SORCS2: variants seen among roughly 807,000 people sequenced by gnomAD.
SORCS2 encodes the protein sortilin related VPS10 domain containing receptor 2, also known as VPS10 domain-containing receptor SorCS2.
In SORCS2, 100 loss-of-function variants were observed where a neutral mutation model predicts 141.6. The ratio of observed to expected loss-of-function variants is 0.71; its 90% CI spans 0.60 to 0.83. The LOEUF (loss-of-function observed/expected upper bound fraction) is 0.83, where lower values mean the gene tolerates loss of function less well. Among genes scored for constraint, SORCS2 ranks in the 40% least tolerant of loss-of-function variants. The pLI, the probability that SORCS2 is intolerant of heterozygous loss-of-function variation, is 0.00. For missense variants in SORCS2, 1,646 were observed against 1,560.2 expected (o/e 1.05, Z -0.93); for synonymous variants, 789 against 676.9 (o/e 1.17, Z -2.57).
At chr4:7,582,439 G>A (rs910023981) in intron 3 of SORCS2, among the ~76,000 whole-genome samples, 2 of 152,178 alleles carry the variant, frequency 1.3e-5, no homozygotes, top group African/African-American at 4.8e-5. Context: ...CAAATACAAG[G>A]TTGTTAACAA....
intron 1 of SORCS2, among the ~76,000 whole-genome samples, chr4:7,357,700 AG>A (rs777999101): frequency 9.2e-5 from 14 of 151,942 alleles, no homozygotes; most frequent in Non-Finnish European, 1.8e-4. Context: ...TTGAGAGGAG[AG>A]ATTTCATTTT....
At chr4:7,547,820 G>T (rs1482989623) in intron 3 of SORCS2, among the ~76,000 whole-genome samples, 3 of 152,208 alleles carry the variant, frequency 2.0e-5, no homozygotes, top group Non-Finnish European at 4.4e-5. Context: ...TCTGTCTCTT[G>T]CCTTTCTGTC....
At chr4:7,408,351 G>C (rs1725106225) in intron 2 of SORCS2, among the ~76,000 whole-genome samples, 1 of 151,564 alleles carries the variant, frequency 6.6e-6, no homozygotes, top group African/African-American at 2.4e-5. Context: ...ATATTTGAAG[G>C]ATAACTTTGC....
At chr4:7,536,811 G>A (rs991050976) in intron 3 of SORCS2, among the ~76,000 whole-genome samples, 2 of 144,542 alleles carry the variant, frequency 1.4e-5, no homozygotes, top group Non-Finnish European at 3.0e-5. Context: ...GGCCAGAAGC[G>A]GATGTCCCCA....
chr4:7,511,435 G>A (rs1200782613), intron 2 of SORCS2, among the ~76,000 whole-genome samples: 2 of 59,504 alleles, frequency 3.4e-5, no homozygotes, highest in African/African-American at 6.6e-5. Context: ...GGCGGGGTTG[G>A]GGAGACACAC....
At chr4:7,409,806 A>C (rs1380219841) in intron 2 of SORCS2, among the ~76,000 whole-genome samples, 2 of 152,134 alleles carry the variant, frequency 1.3e-5, no homozygotes, top group Non-Finnish European at 2.9e-5. Flanking sequence ...TGCATTCTGA[A>C]ATATTGCTGG....
chr4:7,298,850 G>A (rs950878645), intron 1 of SORCS2, among the ~76,000 whole-genome samples: 27 of 152,338 alleles, frequency 1.8e-4, no homozygotes, highest in Middle Eastern at 6.8e-3. Flanking sequence ...TGCTGCATCC[G>A]GTGCCCCACT....
At chr4:7,597,594 G>A (rs1717363692) in intron 3 of SORCS2, among the ~76,000 whole-genome samples, 1 of 151,158 alleles carries the variant, frequency 6.6e-6, no homozygotes, top group Admixed American at 6.6e-5. Flanking sequence ...CAATAAGGGA[G>A]GGGCTTTTGC....
Position 7,572,432 on chromosome 4 carries a change from G to C in SORCS2, c.648+40803G>C, listed in dbSNP as rs116041035. Among the ~76,000 whole-genome samples, 952 of 152,024 alleles carry C rather than the reference G, an allele frequency of 6.3e-3. 12 individuals are homozygous for C. The highest frequency in any genetic ancestry group is 0.022 in the African/African-American group (916 of 41,436). On this transcript the variant is annotated intron_variant, in intron 3 of 26. Transcript: ENST00000507866. Reference sequence around the variant, plus strand: ...ATCATTTAAACGTAAGTTTCTTTACGTGAATTTTTTTTGGAATTTAAACTG... The same window carrying C: ...ATCATTTAAACGTAAGTTTCTTTACCTGAATTTTTTTTGGAATTTAAACTG...
chr4:7,376,419 A>G (rs1317506173), intron 1 of SORCS2, among the ~76,000 whole-genome samples: 1 of 152,146 alleles, frequency 6.6e-6, no homozygotes, highest in Non-Finnish European at 1.5e-5. Context: ...TTTACGAAAA[A>G]TACAAAAATT....
At chr4:7,421,398 C>T (rs568940422) in intron 2 of SORCS2, among the ~76,000 whole-genome samples, 6 of 152,176 alleles carry the variant, frequency 3.9e-5, no homozygotes, top group Admixed American at 1.3e-4. Context: ...GTGTGGCTTT[C>T]GGGAAGTGAC....
intron 2 of SORCS2, among the ~76,000 whole-genome samples, chr4:7,494,000 CACAA>C (rs1416968813): frequency 2.0e-5 from 3 of 149,324 alleles, no homozygotes; most frequent in African/African-American, 7.5e-5. Context: ...GACCTATACA[CACAA>C]ACACACACAC....
intron 3 of SORCS2, among the ~76,000 whole-genome samples, chr4:7,563,724 A>G (rs1283181960): frequency 6.6e-6 from 1 of 152,218 alleles, no homozygotes; most frequent in Non-Finnish European, 1.5e-5. Flanking sequence ...TCCAGATTGC[A>G]CAGATGGAGT....
chr4:7,232,461 C>A (rs1203328154), intron 1 of SORCS2, among the ~76,000 whole-genome samples: 2 of 152,010 alleles, frequency 1.3e-5, no homozygotes, highest in African/African-American at 4.8e-5. Flanking sequence ...CATTATGTCA[C>A]CCCCCACGGC....
intron 3 of SORCS2, among the ~76,000 whole-genome samples, chr4:7,543,698 A>ATG (rs1577723777): frequency 1.5e-5 from 1 of 68,776 alleles, no homozygotes; most frequent in Non-Finnish European, 3.5e-5. Context: ...CCATCCACCC[A>ATG]TCCATCCATC....
intron 2 of SORCS2, among the ~76,000 whole-genome samples, chr4:7,420,431 G>T (rs575647594): frequency 6.6e-6 from 1 of 152,332 alleles, no homozygotes; most frequent in Admixed American, 6.5e-5. Flanking sequence ...TCCCAGGAGA[G>T]CTAGCTGAGA....
chr4:7,261,563 A>G (rs866380420), intron 1 of SORCS2, among the ~76,000 whole-genome samples: 2 of 152,228 alleles, frequency 1.3e-5, no homozygotes, highest in Non-Finnish European at 2.9e-5. Context: ...ACAATCCCTC[A>G]AAAGCCCTGG....
At chr4:7,285,557 A>G (rs1716160300) in intron 1 of SORCS2, among the ~76,000 whole-genome samples, 1 of 152,198 alleles carries the variant, frequency 6.6e-6, no homozygotes, top group Non-Finnish European at 1.5e-5. Context: ...CCTGGAAGAC[A>G]TGGCCTCTGC....
chr4:7,398,335 G>T (rs780583390), intron 2 of SORCS2, among the ~76,000 whole-genome samples: 4 of 152,212 alleles, frequency 2.6e-5, no homozygotes, highest in Non-Finnish European at 4.4e-5. Context: ...GAGAGCCTCC[G>T]TCTCCATGTC....
Sources: gnomAD v4.1 joint callset for allele counts (sites outside exome capture counted in the v4.1 genomes callset) on GRCh38, gnomAD v4.1.1 for gene constraint, MANE v1.5 for transcripts, NCBI Gene and HGNC (gene_info 2026-07-23, HGNC 2026-07-21) for gene names.